CDH18: variants seen among roughly 807,000 people sequenced by gnomAD.
CDH18 encodes cadherin-18.
CDH18 carries 31 observed loss-of-function variants against 67.9 expected under a neutral mutation model. The ratio of observed to expected loss-of-function variants is 0.46; its 90% CI spans 0.34 to 0.62. The LOEUF (loss-of-function observed/expected upper bound fraction) is 0.62, where lower values mean the gene tolerates loss of function less well. Among genes scored for constraint, CDH18 ranks in the 20% least tolerant of loss-of-function variants. The pLI is 0.01. For synonymous variants in CDH18, 362 were observed against 347.2 expected (o/e 1.04, Z -0.48); for missense variants, 890 against 975.5 (o/e 0.91, Z 1.17).
At chr5:20,189,077 G>A (rs981233797) in intron 2 of CDH18, among the ~76,000 whole-genome samples, 3 of 151,930 alleles carry the variant, frequency 2.0e-5, no homozygotes, top group Non-Finnish European at 4.4e-5. Flanking sequence ...TATTCAGCCT[G>A]TTGCAATGCC....
intron 2 of CDH18, among the ~76,000 whole-genome samples, chr5:19,840,728 T>G (rs1351424333): frequency 2.0e-5 from 3 of 152,028 alleles, no homozygotes; most frequent in African/African-American, 7.2e-5. Context: ...ATAAAAAGAA[T>G]GACTGAAATT....
At chr5:20,320,803 A>C (rs1737943683) in intron 1 of CDH18, among the ~76,000 whole-genome samples, 1 of 152,154 alleles carries the variant, frequency 6.6e-6, no homozygotes, top group African/African-American at 2.4e-5. Flanking sequence ...CCTGTGGCCC[A>C]TGAGGGGACT....
intron 1 of CDH18, among the ~76,000 whole-genome samples, chr5:20,398,809 C>A (rs1745507004): frequency 6.6e-6 from 1 of 151,586 alleles, no homozygotes; most frequent in Non-Finnish European, 1.5e-5. Flanking sequence ...ACACGTATAC[C>A]TACGTAGAAA....
At chr5:19,872,925 T>G (rs113290852) in intron 2 of CDH18, among the ~76,000 whole-genome samples, 26 of 152,226 alleles carry the variant, frequency 1.7e-4, no homozygotes, top group African/African-American at 6.0e-4. Flanking sequence ...TTCCAAAGAT[T>G]TAAGAGTCTA....
chr5:19,731,029 T>C (rs1767523475), intron 4 of CDH18, among the ~76,000 whole-genome samples: 2 of 152,152 alleles, frequency 1.3e-5, no homozygotes, highest in South Asian at 4.1e-4. Flanking sequence ...TTATTAGCAG[T>C]GGTTTACATC....
intron 2 of CDH18, among the ~76,000 whole-genome samples, chr5:19,860,888 T>C (rs1416139204): frequency 1.3e-5 from 2 of 152,150 alleles, no homozygotes; most frequent in African/African-American, 4.8e-5. Flanking sequence ...ATTACTTGTT[T>C]CTTTTTCACT....
chr5:20,321,299 T>C (rs1485920249), intron 1 of CDH18, among the ~76,000 whole-genome samples: 1 of 151,976 alleles, frequency 6.6e-6, no homozygotes, highest in Non-Finnish European at 1.5e-5. Flanking sequence ...ACTCAAAATC[T>C]CCTTGATCCC....
chr5:19,874,897 G>A (rs1786760890), intron 2 of CDH18, among the ~76,000 whole-genome samples: 1 of 152,112 alleles, frequency 6.6e-6, no homozygotes, highest in South Asian at 2.1e-4. Context: ...GAGGTAGCGG[G>A]GAGCATATTC....
intron 1 of CDH18, among the ~76,000 whole-genome samples, chr5:20,334,490 T>A (rs1739526176): frequency 6.6e-6 from 1 of 151,970 alleles, no homozygotes; most frequent in South Asian, 2.1e-4. Flanking sequence ...AGCAGAGAGA[T>A]GATTCAGACG....
chr5:20,023,719 T>C (rs1318471081), intron 2 of CDH18, among the ~76,000 whole-genome samples: 1 of 151,930 alleles, frequency 6.6e-6, no homozygotes, highest in African/African-American at 2.4e-5. Flanking sequence ...CAAGAATATT[T>C]AGCAAAACTT....
chr5:19,523,783 C>A (rs1747309282), intron 9 of CDH18, among the ~76,000 whole-genome samples: 1 of 151,916 alleles, frequency 6.6e-6, no homozygotes, highest in African/African-American at 2.4e-5. Flanking sequence ...CTGATTTATA[C>A]CTATAGGAAA....
intron 1 of CDH18, among the ~76,000 whole-genome samples, chr5:20,385,410 C>A (rs895236161): frequency 1.3e-5 from 2 of 152,086 alleles, no homozygotes; most frequent in South Asian, 4.1e-4. Flanking sequence ...TCCAAAATAT[C>A]TACATGAAAC....
intron 1 of CDH18, among the ~76,000 whole-genome samples, chr5:20,371,662 C>T (rs1743010890): frequency 6.6e-6 from 1 of 152,136 alleles, no homozygotes; most frequent in African/African-American, 2.4e-5. Flanking sequence ...AGATGGGAGA[C>T]ATAAGAACGT....
intron 2 of CDH18, among the ~76,000 whole-genome samples, chr5:19,946,585 T>G (rs917215245): frequency 6.6e-6 from 1 of 152,118 alleles, no homozygotes; most frequent in African/African-American, 2.4e-5. Flanking sequence ...AGAAAGAAAC[T>G]TAACCAAGTT....
At chr5:20,530,150 A>G (rs1756312622) in intron 1 of CDH18, among the ~76,000 whole-genome samples, 1 of 152,046 alleles carries the variant, frequency 6.6e-6, no homozygotes, top group Non-Finnish European at 1.5e-5. Flanking sequence ...TGCCACAAAG[A>G]GAATAAAATA....
chr5:20,425,885 TA>T (rs1748263175), intron 1 of CDH18, among the ~76,000 whole-genome samples: 1 of 150,762 alleles, frequency 6.6e-6, no homozygotes, highest in Non-Finnish European at 1.5e-5. Context: ...ACTGGCTTGA[TA>T]AAACAGATGG....
At chr5:19,849,740 A>G (rs1235642377) in intron 2 of CDH18, among the ~76,000 whole-genome samples, 5 of 43,024 alleles carry the variant, frequency 1.2e-4, no homozygotes, top group Non-Finnish European at 2.9e-4. Context: ...GCATATATAT[A>G]AACATATATA....
intron 3 of CDH18, among the ~76,000 whole-genome samples, chr5:19,834,428 T>A (rs1003998153): frequency 4.0e-5 from 6 of 150,014 alleles, no homozygotes; most frequent in Non-Finnish European, 7.4e-5. Context: ...TCTTTATTAG[T>A]CTAGCTAACA....
intron 2 of CDH18, among the ~76,000 whole-genome samples, chr5:19,934,380 AG>A (rs2150209126): frequency 6.6e-6 from 1 of 151,330 alleles, no homozygotes; most frequent in African/African-American, 2.4e-5. Context: ...TCCCTCTTTT[AG>A]GGATAATGAC....
Sources: gnomAD v4.1 joint callset for allele counts (sites outside exome capture counted in the v4.1 genomes callset) on GRCh38, gnomAD v4.1.1 for gene constraint, MANE v1.5 for transcripts, NCBI Gene and HGNC (gene_info 2026-07-23, HGNC 2026-07-21) for gene names.